The following ICE1 variants were observed in gnomAD, a reference collection of about 807,000 sequenced individuals.
The protein encoded by ICE1 is interactor of little elongation complex ELL subunit 1, also known as little elongation complex subunit 1.
A neutral mutation model predicts 192.7 loss-of-function variants in ICE1; 64 were observed. That is an observed-to-expected ratio of 0.33 (90% CI 0.27 to 0.41). The LOEUF is 0.41. Among genes scored for constraint, ICE1 ranks in the 10% least tolerant of loss-of-function variants. The pLI is 1.00. For synonymous variants in ICE1, 1,010 were observed against 984.5 expected (o/e 1.03, Z -0.49); for missense variants, 2,708 against 2,696.0 (o/e 1.00, Z -0.10).
At chr5:5,426,748 A>G (rs1397077739) in intron 1 of ICE1, among the ~76,000 whole-genome samples, 14 of 152,244 alleles carry the variant, frequency 9.2e-5, no homozygotes, top group Non-Finnish European at 4.4e-5. Flanking sequence ...AATGAGAATT[A>G]AGGAAAAGCA....
At chr5:5,482,010 G>T (rs1739517015) in intron 17 of ICE1, among the ~76,000 whole-genome samples, 1 of 152,154 alleles carries the variant, frequency 6.6e-6, no homozygotes, top group South Asian at 2.1e-4. Context: ...ACCTGTGACT[G>T]TACTTTACCT....
At chr5:5,471,488 A>G (rs115222205) in intron 15 of ICE1, among the ~76,000 whole-genome samples, 39 of 152,290 alleles carry the variant, frequency 2.6e-4, no homozygotes, top group African/African-American at 7.5e-4. Context: ...TAAAAATGCT[A>G]TAAGAAAGAG....
At chr5:5,473,874 C>G (rs909484955) in intron 16 of ICE1, 126 bp downstream of exon 16, 1 of 652,640 alleles carries the variant, frequency 1.5e-6, no homozygotes, top group Non-Finnish European at 2.4e-6. Context: ...TTACAAATTA[C>G]ACTGTTTTTA....
intron 10 of ICE1, among the ~76,000 whole-genome samples, chr5:5,450,311 C>T (rs1738375843): frequency 6.6e-6 from 1 of 152,128 alleles, no homozygotes; most frequent in Admixed American, 6.5e-5. Flanking sequence ...GGTGGAAATA[C>T]TGGATGAACA....
intron 3 of ICE1, among the ~76,000 whole-genome samples, chr5:5,438,021 CT>C (rs35984951): frequency 1.1e-4 from 17 of 152,310 alleles, no homozygotes; most frequent in African/African-American, 3.8e-4. Context: ...CTATAAAGGA[CT>C]ACCCGAGACT....
intron 18 of ICE1, 35 bp downstream of exon 18, chr5:5,486,854 A>T: frequency 6.7e-7 from 1 of 1,481,700 alleles, no homozygotes; most frequent in South Asian, 1.2e-5. Flanking sequence ...ACTTTTAAGT[A>T]ACTTGTGTTT....
intron 15 of ICE1, among the ~76,000 whole-genome samples, chr5:5,473,080 A>G (rs1561096840): frequency 1.3e-5 from 2 of 152,368 alleles, no homozygotes; most frequent in East Asian, 3.9e-4. Context: ...CTATGGATAA[A>G]TATCATAACA....
chr5:5,457,285 T>C (rs745670570), intron 11 of ICE1, 47 bp from the exon 12 acceptor site: 9 of 1,469,194 alleles, frequency 6.1e-6, no homozygotes, highest in African/African-American at 1.4e-5. Context: ...TTTTAAGTTT[T>C]CTTGATATTG....
At position 5,489,177 on chromosome 5, in the gene ICE1, C is replaced by T. The variant is rs763918648; in HGVS notation, c.6648C>T (p.Ala2216=). The T allele has an allele frequency of 6.9e-5, 111 of 1,613,748 alleles. 3 individuals are homozygous for T. In the South Asian group the frequency reaches 9.6e-4, roughly 14 times the overall value. Residue 2216 remains alanine (A), a synonymous_variant, in exon 19 of 19, where the codon GCC becomes GCT. Coordinates refer to ENST00000296564, the MANE Select transcript of ICE1 (RefSeq NM_015325.3). ...TACCATGGGGTATACAGTTAGCAGC[C>T]GTGTATGCTCTTTGTGACTTGAGTC... The part of the protein sequence containing the change: ...EDIPWGIQLA[A]VYALCDLSPS...
chr5:5,489,074 C>T, intron 18 of ICE1, 75 bp from the exon 19 acceptor site: 1 of 1,207,562 alleles, frequency 8.3e-7, no homozygotes, highest in Non-Finnish European at 1.2e-6. Context: ...AATAGTATTC[C>T]AGTAGGTTAC....
intron 5 of ICE1, 26 bp downstream of exon 5, chr5:5,441,249 A>G (rs1738044547): frequency 7.3e-7 from 1 of 1,377,252 alleles, no homozygotes. Flanking sequence ...TTCTGTAAAG[A>G]TTTACGGTCA....
At chr5:5,426,652 G>A (rs1391257342) in intron 1 of ICE1, among the ~76,000 whole-genome samples, 1 of 152,174 alleles carries the variant, frequency 6.6e-6, no homozygotes, top group Non-Finnish European at 1.5e-5. Flanking sequence ...GAGGAAAGGA[G>A]AAACAGATAA....
At chr5:5,481,721 C>T (rs1444404421) in intron 17 of ICE1, among the ~76,000 whole-genome samples, 1 of 152,164 alleles carries the variant, frequency 6.6e-6, no homozygotes, top group African/African-American at 2.4e-5. Flanking sequence ...GGAGCACATA[C>T]CAGAAGGTGA....
chr5:5,428,177 C>T (rs764424691), intron 1 of ICE1, among the ~76,000 whole-genome samples: 11 of 152,150 alleles, frequency 7.2e-5, no homozygotes, highest in Non-Finnish European at 1.2e-4. Flanking sequence ...ACCCAGAAGC[C>T]ACTCTGCTTG....
chr5:5,462,035 G>A lies in ICE1; in HGVS notation c.2701G>A (p.Val901Ile), dbSNP rs2578500. ...NSGNKTGMST[V>I]AKCDGERDDT... The stretch of plus-strand genomic sequence containing the variant: ...TGGCAACAAAACCGGTATGTCAACT[G>A]TAGCAAAATGTGATGGGGAAAGAGA... The change falls in exon 13 of 19, where the codon GTA (valine) becomes ATA (isoleucine). Residue 901 changes from valine (V) to isoleucine (I), a missense_variant. Around this residue, in one of 2 missense-constraint regions of ICE1, gnomAD observed 2,366 missense variants for 2,276.6 expected, o/e 1.04. Coordinates refer to ENST00000296564, the MANE Select transcript of ICE1 (RefSeq NM_015325.3). 1,080,427 of 1,613,708 alleles carry A rather than the reference G, an allele frequency of 0.67. 362,874 individuals are homozygous for A. The highest frequency in any genetic ancestry group is 0.75 in the Admixed American group (45,271 of 60,030).
At position 5,461,232 on chromosome 5, in the gene ICE1, C is replaced by T; in HGVS notation, c.1898C>T (p.Ser633Phe). 5.6e-6 allele frequency: 9 copies of T among 1,613,994 alleles called. 1 individual carries two copies. The highest frequency in any genetic ancestry group is 2.2e-5 in the South Asian group (2 of 91,082). ...GLDIETSFSS[S>F]STLVALSVGS... ...GACATTGAAACCAGTTTTTCTTCCT[C>T]TTCTACCTTGGTAGCATTGTCTGTT... The change falls in exon 13 of 19, where the codon TCT becomes TTT. Residue 633 changes from serine to phenylalanine, a missense_variant. By Grantham distance (155) the Ser-to-Phe change is radical. Coordinates refer to ENST00000296564, the MANE Select transcript of ICE1 (RefSeq NM_015325.3).
In ICE1 at chr5:5,464,671, G is replaced by T. The variant is rs377101521; in HGVS notation, c.5337G>T (p.Pro1779=). 6.2e-7 allele frequency: 1 copy of T among 1,613,812 alleles called. No individual in the cohort carries two copies. The highest frequency in any genetic ancestry group is 8.5e-7 in the Non-Finnish European group (1 of 1,179,852). ...GGAATATTCAACTCACACGAGGTCC[G>T]CCTGCTGACTGTAAGAATTTACCGG... The part of the protein sequence containing the change: ...LKGNIQLTRG[P]PADCKNLPGP... The change falls in exon 13 of 19, where the codon CCG becomes CCT. Residue 1779 remains proline, a synonymous_variant. Transcript: ENST00000296564. The surrounding 1 kb of genome is among the most constrained non-coding windows in gnomAD (Gnocchi z 4.0).
At chr5:5,485,457 C>T (rs1739616626) in intron 17 of ICE1, among the ~76,000 whole-genome samples, 1 of 152,198 alleles carries the variant, frequency 6.6e-6, no homozygotes, top group African/African-American at 2.4e-5. Flanking sequence ...AACCCATTCT[C>T]ATACAAATAC....
chr5:5,437,026 A>G (rs1579542172), intron 2 of ICE1, 54 bp from the exon 3 acceptor site: 2 of 1,110,428 alleles, frequency 1.8e-6, no homozygotes, highest in South Asian at 1.4e-5. Flanking sequence ...TAATTTTAAC[A>G]TAGTATATTT....
Sources: gnomAD v4.1 joint callset for allele counts (sites outside exome capture counted in the v4.1 genomes callset) on GRCh38, gnomAD v4.1.1 for gene constraint, gnomAD v4.1.1 regional missense constraint, Gnocchi (gnomAD v3.1) non-coding constraint, MANE v1.5 for transcripts, NCBI Gene and HGNC (gene_info 2026-07-23, HGNC 2026-07-21) for gene names.